The following KCNN2 variants were observed in gnomAD, a reference collection of about 807,000 sequenced individuals.
The protein encoded by KCNN2 is potassium calcium-activated channel subfamily N member 2, also known as small conductance calcium-activated potassium channel protein 2.
Under a neutral mutation model 55.5 loss-of-function variants are expected in KCNN2, and 24 were observed. That is an observed-to-expected ratio of 0.43 (90% CI 0.31 to 0.61). KCNN2 has a LOEUF of 0.61. KCNN2 is among the 20% of genes least tolerant of loss of function. KCNN2 has a pLI of 0.08. For missense variants in KCNN2, 754 were observed against 853.6 expected (o/e 0.88, Z 1.45); for synonymous variants, 431 against 336.1 (o/e 1.28, Z -3.09).
chr5:114,201,232 G>A, intron 1 of KCNN2, among the ~76,000 whole-genome samples: 1 of 152,124 alleles, frequency 6.6e-6, no homozygotes, highest in East Asian at 1.9e-4. Flanking sequence ...TTCTAAGTGT[G>A]CTTAGGAGGG....
At chr5:114,214,657 T>C (rs1753965901) in intron 1 of KCNN2, among the ~76,000 whole-genome samples, 1 of 152,106 alleles carries the variant, frequency 6.6e-6, no homozygotes, top group African/African-American at 2.4e-5. Flanking sequence ...CTGTGTTCTT[T>C]TGGGTTCCCC....
Position 114,485,441 on chromosome 5 carries a change from T to G in KCNN2, c.1891-1609T>G, listed in dbSNP as rs112004702. 4.7e-4 allele frequency among the ~76,000 whole-genome samples: 71 copies of G among 152,236 alleles called. 3 individuals carry two copies. The highest frequency in any genetic ancestry group is 1.7e-3 in the African/African-American group (70 of 41,542). ...TCTCCTTAAAAGCAAGGTCCTCAAA[T>G]AACAACTACTCATGCTGCACTCATT... On this transcript the variant is annotated intron_variant, in intron 5 of 7. Coordinates refer to ENST00000673685, the MANE Select transcript of KCNN2 (RefSeq NM_021614.4).
intron 3 of KCNN2, among the ~76,000 whole-genome samples, chr5:114,429,768 TTTTGGG>T (rs1759735796): frequency 6.6e-6 from 1 of 151,438 alleles, no homozygotes; most frequent in African/African-American, 2.4e-5. Flanking sequence ...ATTTTGAAGG[TTTTGGG>T]GGTTTTTTTG....
intron 2 of KCNN2, among the ~76,000 whole-genome samples, chr5:114,339,456 C>T (rs992177878): frequency 2.6e-5 from 4 of 152,290 alleles, no homozygotes; most frequent in African/African-American, 9.6e-5. Context: ...AAATATTTAA[C>T]AACTGGCAGA....
chr5:114,365,236 A>G (rs1328141630), intron 2 of KCNN2, among the ~76,000 whole-genome samples: 2 of 152,200 alleles, frequency 1.3e-5, no homozygotes, highest in African/African-American at 4.8e-5. Context: ...ATGAGGTTGG[A>G]GAATGATAAT....
chr5:114,483,427 A>G lies in KCNN2; in HGVS notation c.1891-3623A>G, dbSNP rs79489620. Among the ~76,000 whole-genome samples, 1,481 of 151,846 alleles carry G rather than the reference A, an allele frequency of 9.8e-3. 17 individuals carry two copies. The highest frequency in any genetic ancestry group is 0.034 in the African/African-American group (1,409 of 41,402). On this transcript the variant is annotated intron_variant, in intron 5 of 7. Coordinates refer to ENST00000673685, the MANE Select transcript of KCNN2 (RefSeq NM_021614.4). ...GTAGCTGGGACTACAGGCATGCTCA[A>G]CCACGCCCATCTAATTTTGTATTTT... is the stretch of plus-strand genomic sequence containing the variant.
intron 3 of KCNN2, among the ~76,000 whole-genome samples, chr5:114,416,727 T>TTTAATATTCTGAAACAGAATA (rs1372048024): frequency 1.3e-5 from 2 of 152,210 alleles, no homozygotes; most frequent in Non-Finnish European, 2.9e-5. Flanking sequence ...TTAAATTGTA[T>TTTAATATTCTGAAACAGAATA]TTAATATTCT....
intron 2 of KCNN2, among the ~76,000 whole-genome samples, chr5:114,368,724 A>G (rs970980043): frequency 2.6e-5 from 4 of 152,218 alleles, no homozygotes; most frequent in Non-Finnish European, 5.9e-5. Context: ...TCTCTCAGTC[A>G]TGTTTCTCAG....
intron 2 of KCNN2, among the ~76,000 whole-genome samples, chr5:114,257,855 TCTGG>T (rs1438268066): frequency 2.6e-5 from 4 of 152,330 alleles, no homozygotes; most frequent in African/African-American, 9.6e-5. Context: ...GCCTGATTGC[TCTGG>T]CTAGAACTTC....
chr5:114,222,300 G>A (rs1754156697), intron 2 of KCNN2, among the ~76,000 whole-genome samples: 1 of 152,132 alleles, frequency 6.6e-6, no homozygotes, highest in South Asian at 2.1e-4. Flanking sequence ...TATTTGCATG[G>A]TATCGTTAGG....
intron 1 of KCNN2, among the ~76,000 whole-genome samples, chr5:114,204,195 C>A (rs950380612): frequency 1.3e-5 from 2 of 152,030 alleles, no homozygotes; most frequent in African/African-American, 4.8e-5. Flanking sequence ...CATCCTCCCC[C>A]ATCCCAACTG....
In KCNN2 at chr5:114,151,348, A is replaced by G. The variant is rs369455709; in HGVS notation, c.-270-70132A>G. On this transcript the variant is annotated intron_variant, in intron 1 of 10. Coordinates refer to the KCNN2 transcript ENST00000512097. ...TTGGGGACAGGGCTCAGGTACCCCC[A>G]GCCCCTTCTTTACTCCAGTGTGTTC... is the stretch of plus-strand genomic sequence containing the variant. Among the ~76,000 whole-genome samples, 5 of 152,124 alleles carry G rather than the reference A, an allele frequency of 3.3e-5. No individual in the cohort carries two copies. In the East Asian group the frequency reaches 9.7e-4, roughly 29 times the overall value.
At chr5:114,073,635 T>A (rs1188682108) in intron 1 of KCNN2, among the ~76,000 whole-genome samples, 3 of 152,160 alleles carry the variant, frequency 2.0e-5, no homozygotes, top group African/African-American at 7.2e-5. Context: ...TAAATACACA[T>A]GTCAGCTTAA....
At chr5:114,308,792 A>G (rs1372012594) in intron 2 of KCNN2, among the ~76,000 whole-genome samples, 1 of 152,182 alleles carries the variant, frequency 6.6e-6, no homozygotes, top group Non-Finnish European at 1.5e-5. Flanking sequence ...ATGGATTAGG[A>G]CTAAATGAAA....
chr5:114,487,633 C>G (rs1466823377), intron 6 of KCNN2, among the ~76,000 whole-genome samples: 1 of 152,000 alleles, frequency 6.6e-6, no homozygotes, highest in Non-Finnish European at 1.5e-5. Flanking sequence ...TTGTGTAGAC[C>G]TTTTACTCTC....
chr5:114,096,300 A>G (rs1751254360), intron 1 of KCNN2, among the ~76,000 whole-genome samples: 1 of 152,186 alleles, frequency 6.6e-6, no homozygotes, highest in South Asian at 2.1e-4. Context: ...CTATTCGTAT[A>G]TGGAGGCCAT....
chr5:114,276,688 G>T (rs1384984194), intron 2 of KCNN2, among the ~76,000 whole-genome samples: 4 of 124,994 alleles, frequency 3.2e-5, no homozygotes, highest in East Asian at 2.2e-4. Flanking sequence ...CCATTTGCTT[G>T]GTAGATCTTC....
chr5:114,283,580 A>G (rs1036242274), intron 2 of KCNN2, among the ~76,000 whole-genome samples: 1 of 152,054 alleles, frequency 6.6e-6, no homozygotes, highest in African/African-American at 2.4e-5. Context: ...TCATCTTTGT[A>G]TGTCTCTTAT....
At chr5:114,350,969 G>C (rs563312960) in intron 2 of KCNN2, among the ~76,000 whole-genome samples, 2 of 151,894 alleles carry the variant, frequency 1.3e-5, no homozygotes, top group African/African-American at 4.8e-5. Flanking sequence ...GTTAGGGTCA[G>C]TTTGCCAATT....
Sources: allele counts gnomAD v4.1 joint callset (sites outside exome capture counted in the v4.1 genomes callset), GRCh38; gene constraint gnomAD v4.1.1; transcripts MANE v1.5; gene names NCBI Gene and HGNC (gene_info 2026-07-23, HGNC 2026-07-21).